MPP3: variants seen among roughly 807,000 people sequenced by gnomAD.
MPP3 encodes MAGUK p55 subfamily member 3.
MPP3 carries 48 observed loss-of-function variants against 80.7 expected under a neutral mutation model. The observed-to-expected ratio is 0.59, with a 90% confidence interval of 0.47 to 0.76. MPP3 has a LOEUF of 0.76. MPP3 is among the 30% of genes least tolerant of loss of function. The probability of loss-of-function intolerance (pLI) is 0.00; values close to 1 mark genes in which losing one functional copy is unlikely to be tolerated. For missense variants in MPP3, 620 were observed against 763.0 expected (o/e 0.81, Z 2.21); for synonymous variants, 311 against 297.6 (o/e 1.04, Z -0.46).
intron 7 of MPP3, 52 bp from the exon 8 acceptor site, chr17:43,827,884 G>T: frequency 6.4e-7 from 1 of 1,564,152 alleles, no homozygotes; most frequent in South Asian, 1.1e-5. Flanking sequence ...CCAAACCTCA[G>T]ACCCCTACTC....
intron 19 of MPP3, among the ~76,000 whole-genome samples, chr17:43,806,914 G>A (rs2044641232): frequency 6.6e-6 from 1 of 151,842 alleles, no homozygotes; most frequent in African/African-American, 2.4e-5. Context: ...AGCCAATATT[G>A]TATGTTTCTA....
chr17:43,816,886 T>C (rs2045170568), intron 12 of MPP3, among the ~76,000 whole-genome samples, 189 bp from the exon 13 acceptor site: 1 of 152,216 alleles, frequency 6.6e-6, no homozygotes, highest in African/African-American at 2.4e-5. Context: ...ATTAGTCTTC[T>C]TGTATGTGTC....
chr17:43,831,624 G>T lies in MPP3; in HGVS notation c.79C>A (p.His27Asn). 6.2e-7 allele frequency: 1 copy of T among 1,614,010 alleles called. No individual in the cohort carries two copies. Among genetic ancestry groups the T allele is most frequent in the Non-Finnish European group, 8.5e-7 (1 of 1,179,926 alleles). The part of the protein sequence containing the change: ...LTSQLRPDSN[H>N]KEEMGFLRDV... The stretch of plus-strand genomic sequence containing the variant: ...CTCAGGAAGCCCATCTCCTCCTTGT[G>T]GTTGGAGTCAGGTCTGAGCTGGGAG... Residue 27 changes from histidine to asparagine, a missense_variant, in exon 4 of 20, where the codon CAC becomes AAC. Coordinates refer to ENST00000398389, the MANE Select transcript of MPP3 (RefSeq NM_001932.6).
At chr17:43,827,885 A>AC (rs1203602724) in intron 7 of MPP3, 53 bp from the exon 8 acceptor site, 1 of 1,561,220 alleles carries the variant, frequency 6.4e-7, no homozygotes, top group Non-Finnish European at 8.8e-7. Flanking sequence ...CAAACCTCAG[A>AC]CCCCTACTCT....
intron 19 of MPP3, among the ~76,000 whole-genome samples, chr17:43,803,558 C>T (rs948380119): frequency 6.6e-6 from 1 of 152,178 alleles, no homozygotes; most frequent in African/African-American, 2.4e-5. Context: ...GCCCCATTAA[C>T]TTGTGGTCAG....
chr17:43,801,606 C>T lies in MPP3; in HGVS notation c.*95G>A, dbSNP rs570604137. The T allele has an allele frequency of 4.6e-5, 56 of 1,206,270 alleles. No homozygotes were observed. In the African/African-American group the frequency reaches 8.0e-4, roughly 17 times the overall value. 74.7% of individuals were successfully genotyped at this position (1,206,270 alleles called of 1,614,324 possible). On this transcript the variant is annotated 3_prime_UTR_variant, in exon 20 of 20. Coordinates refer to ENST00000398389, the MANE Select transcript of MPP3 (RefSeq NM_001932.6). The stretch of plus-strand genomic sequence containing the variant: ...GATGGAATTTGTGGAGAATTCTCTC[C>T]CTCTCTGCGCTTGAGATTCCTTGAT...
Position 43,816,655 on chromosome 17 carries a change from A to C in MPP3, c.967+22T>G, listed in dbSNP as rs780815450. 9 of 1,567,986 alleles carry C rather than the reference A, an allele frequency of 5.7e-6. No individual in the cohort carries two copies. The South Asian group carries it at 1.1e-4, about 18-fold the overall frequency. ...CGGAAAAGGGGCCACGCCTGTGGACAGCGGATAGATACTGGGCCTACCTTT... is the reference window on the plus strand; with the variant it reads ...CGGAAAAGGGGCCACGCCTGTGGACCGCGGATAGATACTGGGCCTACCTTT... On this transcript the variant is annotated intron_variant, in intron 13 of 19. Transcript: ENST00000398389.
At chr17:43,812,072 C>T (rs983505301) in intron 16 of MPP3, among the ~76,000 whole-genome samples, 5 of 152,164 alleles carry the variant, frequency 3.3e-5, no homozygotes, top group Admixed American at 1.3e-4. Flanking sequence ...GACAGACCGT[C>T]CCTATATAGA....
intron 19 of MPP3, among the ~76,000 whole-genome samples, chr17:43,807,253 G>A (rs1171630420): frequency 4.7e-5 from 7 of 149,110 alleles, no homozygotes; most frequent in Admixed American, 3.4e-4. Flanking sequence ...GATTATAGGC[G>A]TGAGCCACCA....
chr17:43,813,812 T>C (rs569465818), intron 16 of MPP3, among the ~76,000 whole-genome samples, 199 bp downstream of exon 16: 1 of 152,180 alleles, frequency 6.6e-6, no homozygotes, highest in Non-Finnish European at 1.5e-5. Context: ...CTCCAACTTC[T>C]GCCTCAGAGG....
In MPP3 at chr17:43,820,877, T is replaced by C. The variant is rs777317150; in HGVS notation, c.866A>G (p.Lys289Arg). The change falls in exon 11 of 20, where the codon AAG becomes AGG. Residue 289 changes from lysine (K) to arginine (R), a missense_variant. Physicochemically the swap from Lys to Arg is conservative, Grantham distance 26. Coordinates refer to ENST00000398389, the MANE Select transcript of MPP3 (RefSeq NM_001932.6). Reference protein sequence around the residue: ...TNLRAGLIPSKGFQERRLSYR... With the variant: ...TNLRAGLIPSRGFQERRLSYR... ...CCAGACCCACCTCTCCTGGAACCCCTTGGAGGGGATGAGGCCGGCTCGAAG... is the reference window on the plus strand; with the variant it reads ...CCAGACCCACCTCTCCTGGAACCCCCTGGAGGGGATGAGGCCGGCTCGAAG... 1.2e-6 allele frequency: 2 copies of C among 1,614,104 alleles called. No homozygotes were observed. The highest frequency in any genetic ancestry group is 1.1e-5 in the South Asian group (1 of 91,072).
chr17:43,805,291 T>C (rs1416286269), intron 19 of MPP3, among the ~76,000 whole-genome samples: 1 of 152,146 alleles, frequency 6.6e-6, no homozygotes, highest in Non-Finnish European at 1.5e-5. Context: ...CACCTACTAG[T>C]AGTGCTATGA....
chr17:43,817,887 A>T, intron 12 of MPP3, 159 bp downstream of exon 12: 4 of 229,810 alleles, frequency 1.7e-5, no homozygotes, highest in Non-Finnish European at 3.6e-5. Flanking sequence ...GCTGCCCCCC[A>T]CCTCCTACTT....
chr17:43,827,330 T>TC (rs1491212476), intron 8 of MPP3, among the ~76,000 whole-genome samples: 1 of 89,946 alleles, frequency 1.1e-5, no homozygotes, highest in African/African-American at 4.2e-5. Flanking sequence ...TTTTTTTTTC[T>TC]TTTTTTTTTT....
chr17:43,805,125 A>G (rs562927293), intron 19 of MPP3, among the ~76,000 whole-genome samples: 3 of 152,268 alleles, frequency 2.0e-5, no homozygotes, highest in Non-Finnish European at 4.4e-5. Context: ...CTTACAACTC[A>G]ATAACAAAAA....
chr17:43,810,978 A>G, intron 17 of MPP3, 63 bp from the exon 18 acceptor site: 1 of 1,454,122 alleles, frequency 6.9e-7, no homozygotes, highest in Non-Finnish European at 9.6e-7. Context: ...TAGCAAAGCA[A>G]AGGGGACCTC....
Position 43,825,835 on chromosome 17 carries a change from AC to A in MPP3, c.529del (p.Val177SerfsTer10). ...RGGAADRSGL[V>X]HVGDELREVN... ...TTCTCGGAGCTCATCTCCAACGTGG[AC>A]CAGGCCTAGGAGACACAGGGACTGA... On this transcript the variant is annotated frameshift_variant, in exon 9 of 20. Transcript: ENST00000398389. LOFTEE classifies it high-confidence loss of function. 6.2e-7 allele frequency: 1 copy of A among 1,607,700 alleles called. No homozygotes were observed. Among genetic ancestry groups the A allele is most frequent in the Non-Finnish European group, 8.5e-7 (1 of 1,174,212 alleles).
Position 43,831,575 on chromosome 17 carries a change from A to C in MPP3, c.128T>G (p.Leu43Arg). 1 of 1,612,858 alleles carries C rather than the reference A, an allele frequency of 6.2e-7. No individual in the cohort carries two copies. Among genetic ancestry groups the C allele is most frequent in the Non-Finnish European group, 8.5e-7 (1 of 1,178,976 alleles). The change falls in exon 4 of 20, where the codon CTC becomes CGC. Residue 43 changes from leucine to arginine, a missense_variant. Leu to Arg is a moderately radical substitution (Grantham distance 102, BLOSUM62 -2). Coordinates refer to ENST00000398389, the MANE Select transcript of MPP3 (RefSeq NM_001932.6). ...FLRDVFSEKS[L>R]SYLMKIHEKL... Reference sequence around the variant, plus strand: ...GGACTTCACCTTCATTAAGTAACTGAGGCTTTTTTCACTGAAAACATCCCT... The same window carrying C: ...GGACTTCACCTTCATTAAGTAACTGCGGCTTTTTTCACTGAAAACATCCCT...
chr17:43,820,853 C>T lies in MPP3; in HGVS notation c.881+9G>A, dbSNP rs752678843. ...GGAACCAGCCCTTCACAACATACCCCAGACCCACCTCTCCTGGAACCCCTT... is the reference window on the plus strand; with the variant it reads ...GGAACCAGCCCTTCACAACATACCCTAGACCCACCTCTCCTGGAACCCCTT... On this transcript the variant is annotated intron_variant, in intron 11 of 19. Transcript: ENST00000398389. The T allele has an allele frequency of 1.9e-6, 3 of 1,613,798 alleles. No individual in the cohort carries two copies. Among genetic ancestry groups the T allele is most frequent in the African/African-American group, 2.7e-5 (2 of 74,910 alleles).
Sources: gnomAD v4.1 joint callset for allele counts (sites outside exome capture counted in the v4.1 genomes callset) on GRCh38, gnomAD v4.1.1 for gene constraint, MANE v1.5 for transcripts, NCBI Gene and HGNC (gene_info 2026-07-23, HGNC 2026-07-21) for gene names.